The following UBE4B variants were observed in gnomAD, a reference collection of about 807,000 sequenced individuals.
UBE4B encodes ubiquitin conjugation factor E4 B.
Under a neutral mutation model 148.1 loss-of-function variants are expected in UBE4B, and 27 were observed. The ratio of observed to expected loss-of-function variants is 0.18; its 90% CI spans 0.13 to 0.25. UBE4B has a LOEUF of 0.25. Among genes scored for constraint, UBE4B ranks in the 10% least tolerant of loss-of-function variants. The pLI, the probability that UBE4B is intolerant of heterozygous loss-of-function variation, is 1.00. For synonymous variants in UBE4B, 596 were observed against 619.3 expected (o/e 0.96, Z 0.56); for missense variants, 1,170 against 1,662.4 (o/e 0.70, Z 5.15).
intron 2 of UBE4B, among the ~76,000 whole-genome samples, chr1:10,092,013 G>A (rs1464194768): frequency 6.6e-6 from 1 of 152,010 alleles, no homozygotes; most frequent in Non-Finnish European, 1.5e-5. Context: ...CTCCCCAAAA[G>A]TGCTGGGATT....
chr1:10,059,336 G>T, intron 1 of UBE4B: 1 of 167,714 alleles, frequency 6.0e-6, no homozygotes, highest in East Asian at 1.4e-4. Context: ...TACACTGTAG[G>T]GCACCTGCTC....
At position 10,095,660 on chromosome 1, in the gene UBE4B, T is replaced by G. The variant is rs1416613310; in HGVS notation, c.347+64T>G. The stretch of plus-strand genomic sequence containing the variant: ...AGGGAAAGAGAAAGATCCATTCACT[T>G]TAGCCTCTAGTCCATAGTCAGAAAT... On this transcript the variant is annotated intron_variant, in intron 3 of 27. Coordinates refer to ENST00000343090, the MANE Select transcript of UBE4B (RefSeq NM_001105562.3). 5 of 1,601,578 alleles carry G rather than the reference T, an allele frequency of 3.1e-6. No homozygotes were observed. In the Admixed American group the frequency reaches 8.4e-5, roughly 27 times the overall value.
At chr1:10,046,057 A>G (rs1046786324) in intron 1 of UBE4B, among the ~76,000 whole-genome samples, 2 of 152,054 alleles carry the variant, frequency 1.3e-5, no homozygotes, top group Non-Finnish European at 2.9e-5. Context: ...TTCCTACCAT[A>G]TGGCTTCCAT....
chr1:10,176,863 G>A, intron 25 of UBE4B, among the ~76,000 whole-genome samples: 1 of 142,004 alleles, frequency 7.0e-6, no homozygotes, highest in Admixed American at 7.6e-5. Context: ...TCAGCCTACT[G>A]CAACCTCCAC....
chr1:10,034,615 A>G (rs1353929096), intron 1 of UBE4B, among the ~76,000 whole-genome samples: 1 of 152,054 alleles, frequency 6.6e-6, no homozygotes, highest in Non-Finnish European at 1.5e-5. Flanking sequence ...TCTTTAGCCT[A>G]CCTCCACATT....
At chr1:10,088,017 T>C (rs1644790422) in intron 2 of UBE4B, among the ~76,000 whole-genome samples, 1 of 152,228 alleles carries the variant, frequency 6.6e-6, no homozygotes, top group African/African-American at 2.4e-5. Flanking sequence ...TTATTCCAGC[T>C]TTGACCATGG....
At position 10,072,079 on chromosome 1, in the gene UBE4B, A is replaced by G. The variant is rs1324626949; in HGVS notation, c.76A>G (p.Thr26Ala). Residue 26 changes from threonine to alanine, a missense_variant, in exon 2 of 28, where the codon ACC becomes GCC. Transcript: ENST00000343090. ...TGCTGGTGGACAGACCTCTCAGCCA[A>G]CCACCCCACTCACCTCTCCCCAGAG... is the stretch of plus-strand genomic sequence containing the variant. The part of the protein sequence containing the change: ...RLAGGQTSQP[T>A]TPLTSPQREN... The G allele has an allele frequency of 6.2e-7, 1 of 1,612,354 alleles. No homozygotes were observed. Among genetic ancestry groups the G allele is most frequent in the Admixed American group, 1.7e-5 (1 of 59,616 alleles).
chr1:10,149,913 A>G (rs61782926), intron 20 of UBE4B, among the ~76,000 whole-genome samples: 12,972 of 152,156 alleles, frequency 0.085, 1,364 homozygotes, highest in African/African-American at 0.24. Context: ...CCAGACATGC[A>G]GGAGGATTGC....
intron 21 of UBE4B, among the ~76,000 whole-genome samples, chr1:10,152,912 T>C (rs896929047): frequency 2.0e-5 from 3 of 151,490 alleles, no homozygotes; most frequent in African/African-American, 7.3e-5. Flanking sequence ...AGAACCCAGC[T>C]GCCCTGATGA....
chr1:10,124,250 C>A (rs546715611), intron 10 of UBE4B, among the ~76,000 whole-genome samples: 2 of 151,986 alleles, frequency 1.3e-5, no homozygotes, highest in Admixed American at 6.6e-5. Flanking sequence ...CAACTTCCAC[C>A]TTCTGGGTTC....
chr1:10,049,470 C>A (rs779523673), intron 1 of UBE4B, among the ~76,000 whole-genome samples: 7 of 151,954 alleles, frequency 4.6e-5, no homozygotes, highest in Admixed American at 1.3e-4. Flanking sequence ...TGTAGCCAGA[C>A]GCAATGATGC....
In UBE4B at chr1:10,178,773, G is replaced by A. The variant is rs562708221; in HGVS notation, c.3655G>A (p.Ala1219Thr). ...AGTGGAGGAGATAGTGGCCAAGAAC[G>A]CACGCGCAGAAATCGACTACAGCGA... ...EKVEEIVAKN[A>T]RAEIDYSDAP... The change falls in exon 26 of 28, where the codon GCA (alanine) becomes ACA (threonine). Residue 1219 changes from alanine to threonine, a missense_variant. Ala to Thr is a moderately conservative substitution (Grantham distance 58). This residue lies in a region of UBE4B where 348 missense variants were observed against 627.2 expected (regional missense o/e 0.55). Transcript: ENST00000343090. 1.7e-5 allele frequency: 28 copies of A among 1,613,362 alleles called. No individual in the cohort carries two copies. The South Asian group carries it at 2.6e-4, about 15-fold the overall frequency.
At chr1:10,170,636 C>T (rs1232689906) in intron 24 of UBE4B, among the ~76,000 whole-genome samples, 1 of 152,228 alleles carries the variant, frequency 6.6e-6, no homozygotes, top group Admixed American at 6.5e-5. Context: ...CTTTTATCTT[C>T]TTTCCTTGCA....
intron 7 of UBE4B, among the ~76,000 whole-genome samples, chr1:10,107,737 C>T (rs770577334): frequency 3.4e-4 from 51 of 151,918 alleles, no homozygotes; most frequent in Admixed American, 1.3e-3. Flanking sequence ...GCCACCATGC[C>T]CGGCTAATTT....
At chr1:10,125,959 C>T (rs200486578) in intron 10 of UBE4B, among the ~76,000 whole-genome samples, 2 of 152,128 alleles carry the variant, frequency 1.3e-5, no homozygotes, top group Non-Finnish European at 2.9e-5. Context: ...GATTGTTGGC[C>T]TGTTTATCTT....
chr1:10,138,982 AC>A (rs1645740952), intron 17 of UBE4B, among the ~76,000 whole-genome samples: 3 of 152,216 alleles, frequency 2.0e-5, no homozygotes, highest in African/African-American at 7.2e-5. Context: ...AATTGGATAT[AC>A]AATTTGCTAA....
At chr1:10,176,952 A>AT (rs973512515) in intron 25 of UBE4B, among the ~76,000 whole-genome samples, 1 of 149,502 alleles carries the variant, frequency 6.7e-6, no homozygotes, top group African/African-American at 2.5e-5. Flanking sequence ...CGCCTGGCTA[A>AT]TTTTTTTTGT....
At chr1:10,133,255 A>AT (rs1316638126) in intron 15 of UBE4B, among the ~76,000 whole-genome samples, 1 of 152,228 alleles carries the variant, frequency 6.6e-6, no homozygotes, top group African/African-American at 2.4e-5. Flanking sequence ...AGCAAAAATC[A>AT]TGTAGAGAGA....
At chr1:10,163,600 G>A (rs751910813) in intron 23 of UBE4B, among the ~76,000 whole-genome samples, 3 of 151,694 alleles carry the variant, frequency 2.0e-5, no homozygotes, top group Admixed American at 6.6e-5. Context: ...CCCGGGAGGC[G>A]GAGGTTGCAG....
Sources: gnomAD v4.1 joint callset for allele counts (sites outside exome capture counted in the v4.1 genomes callset) on GRCh38, gnomAD v4.1.1 for gene constraint, gnomAD v4.1.1 regional missense constraint, MANE v1.5 for transcripts, NCBI Gene and HGNC (gene_info 2026-07-23, HGNC 2026-07-21) for gene names.